AP5Z1: variants seen among roughly 807,000 people sequenced by gnomAD.
AP5Z1 encodes the protein adaptor related protein complex 5 subunit zeta 1.
Under a neutral mutation model 83.0 loss-of-function variants are expected in AP5Z1, and 106 were observed. The observed-to-expected ratio is 1.28, with a 90% CI of 1.09 to 1.50. AP5Z1 has a LOEUF of 1.50. Among genes scored for constraint, AP5Z1 ranks in the 40% most tolerant of loss-of-function variants. The pLI is 0.00. For synonymous variants in AP5Z1, 751 were observed against 514.1 expected, an observed-to-expected ratio of 1.46 and a Z score of -6.23; for missense variants, 1,565 against 1,094.2, an observed-to-expected ratio of 1.43 and a Z score of -6.07.
At chr7:4,782,181 T>A (rs990998262) in intron 3 of AP5Z1, among the ~76,000 whole-genome samples, 5 of 152,106 alleles carry the variant, frequency 3.3e-5, no homozygotes, top group African/African-American at 1.2e-4. Flanking sequence ...GCCTCCTGAG[T>A]AGCTGGGATT....
At chr7:4,777,648 C>G (rs368630125) in intron 1 of AP5Z1, among the ~76,000 whole-genome samples, 1 of 152,242 alleles carries the variant, frequency 6.6e-6, no homozygotes, top group East Asian at 1.9e-4. Flanking sequence ...CTCGGCCCCT[C>G]GAAGTGCCGG....
chr7:4,790,976 G>C, intron 16 of AP5Z1, 89 bp downstream of exon 16: 3 of 1,481,322 alleles, frequency 2.0e-6, no homozygotes, highest in Non-Finnish European at 1.8e-6. Context: ...TTGTGAAATG[G>C]TCGCAGCAGC....
chr7:4,790,771 C>G lies in AP5Z1; in HGVS notation c.2037C>G (p.Phe679Leu), dbSNP rs569992088. The change falls in exon 16 of 17, where the codon TTC (phenylalanine) becomes TTG (leucine). Residue 679 changes from phenylalanine to leucine, a missense_variant. Coordinates refer to ENST00000649063, the MANE Select transcript of AP5Z1 (RefSeq NM_014855.3). ...TCGAAGCCCTGGAGGCTCTGCTATT[C>G]GAGGTCACCCAGTGCCGCCCCTCTG... is the stretch of plus-strand genomic sequence containing the variant. ...KFFEALEALL[F>L]EVTQCRPSAA... The G allele has an allele frequency of 6.2e-6, 10 of 1,608,704 alleles. No homozygotes were observed. In the Admixed American group the frequency reaches 1.5e-4, roughly 24 times the overall value.
rs147945272 is a variant in AP5Z1, at chr7:4,789,183, C to T, written c.1707+232C>T. 3.5e-3 allele frequency: 1,724 copies of T among 487,628 alleles called. 25 individuals are homozygous for T. Among genetic ancestry groups the T allele is most frequent in the African/African-American group, 0.032 (1,574 of 49,966 alleles). The allele number at this position is 487,628 out of a possible 1,614,324, so 30.2% of individuals were successfully genotyped here. The stretch of plus-strand genomic sequence containing the variant: ...CCCGTTCCCCAGTCCCCGTCCCATC[C>T]CCTTCATCCCGGCAGGCCACGTCCC... On this transcript the variant is annotated intron_variant, in intron 13 of 16. Coordinates refer to ENST00000649063, the MANE Select transcript of AP5Z1 (RefSeq NM_014855.3).
Position 4,788,862 on chromosome 7 carries a change from C to A in AP5Z1, c.1618C>A (p.Leu540Met). 6.2e-7 allele frequency: 1 copy of A among 1,608,742 alleles called. No individual in the cohort carries two copies. The highest frequency in any genetic ancestry group is 1.1e-5 in the South Asian group (1 of 90,694). ...TERLAPLHQL[L>M]QPMAGCARVA... ...CAGGTTGGCGCCACTCCACCAGCTG[C>A]TGCAGCCCATGGCCGGCTGTGCCCG... The change falls in exon 13 of 17, where the codon CTG becomes ATG. Residue 540 changes from leucine to methionine, a missense_variant. Physicochemically the swap from Leu to Met is conservative, Grantham distance 15 (BLOSUM62 2). Transcript: ENST00000649063.
chr7:4,792,363 C>G lies in AP5Z1; in HGVS notation c.*978C>G, dbSNP rs1781809064. ...TCCTCTTTTGCTCTGGCCCCGCCCA[C>G]CTCCCCTCCGGCCTCGGCCCCGCCC... On this transcript the variant is annotated 3_prime_UTR_variant, in exon 17 of 17. Coordinates refer to ENST00000649063, the MANE Select transcript of AP5Z1 (RefSeq NM_014855.3). 1 of 149,660 alleles carries G rather than the reference C, an allele frequency of 6.7e-6. No individual in the cohort carries two copies. The highest frequency in any genetic ancestry group is 2.4e-5 in the African/African-American group (1 of 41,058). 9.3% of individuals were successfully genotyped at this position (149,660 alleles called of 1,614,324 possible).
chr7:4,783,221 G>T, intron 3 of AP5Z1, 95 bp from the exon 4 acceptor site: 1 of 1,455,220 alleles, frequency 6.9e-7, no homozygotes, highest in South Asian at 1.4e-5. Flanking sequence ...CTCAGCGACC[G>T]ACGCTTCTCA....
At position 4,790,731 on chromosome 7, in the gene AP5Z1, A is replaced by C. The variant is rs1454206621; in HGVS notation, c.1997A>C (p.Gln666Pro). The change falls in exon 16 of 17, where the codon CAG becomes CCG. Residue 666 changes from glutamine to proline, a missense_variant. By Grantham distance (76) the Gln-to-Pro change is moderately conservative. Coordinates refer to ENST00000649063, the MANE Select transcript of AP5Z1 (RefSeq NM_014855.3). The stretch of plus-strand genomic sequence containing the variant: ...TACGATCGGAGGTGCACCGTGGAGC[A>C]GATCAACAAGTTCTTCGAAGCCCTG... ...VTYDRRCTVE[Q>P]INKFFEALEA... 1.2e-6 allele frequency: 2 copies of C among 1,610,980 alleles called. No individual in the cohort carries two copies. The highest frequency in any genetic ancestry group is 1.1e-5 in the South Asian group (1 of 90,772).
rs879933187 is a variant in AP5Z1 at position 4,779,167 on chromosome 7, CAT to C, written c.42-2002_42-2001del. On this transcript the variant is annotated intron_variant, in intron 1 of 16. Coordinates refer to ENST00000649063, the MANE Select transcript of AP5Z1 (RefSeq NM_014855.3). The stretch of plus-strand genomic sequence containing the variant: ...TATAACATATATAACAACTATATAA[CAT>C]ATATAACATAACATATATAACAACA... 1.0e-3 allele frequency among the ~76,000 whole-genome samples: 148 copies of C among 141,392 alleles called. No individual in the cohort carries two copies. The East Asian group carries it at 0.011, about 10-fold the overall frequency. The allele number at this position is 141,392 out of a possible 152,430, so 92.8% of individuals were successfully genotyped here.
Position 4,787,704 on chromosome 7 carries a change from GCA to G in AP5Z1, c.1385_1386del (p.Thr462SerfsTer69). The G allele has an allele frequency of 6.4e-7, 1 of 1,551,404 alleles. No individual in the cohort carries two copies. On this transcript the variant is annotated frameshift_variant, in exon 11 of 17. Transcript: ENST00000649063. LOFTEE classifies it high-confidence loss of function. The stretch of plus-strand genomic sequence containing the variant: ...CTCCTCCCGGCCCTGGTGGACGCTG[GCA>G]CAGCCCTGGAGATGCTGCACGCGCT...
chr7:4,784,986 G>A lies in AP5Z1; in HGVS notation c.869G>A (p.Arg290Gln), dbSNP rs778734781. The A allele has an allele frequency of 3.7e-6, 6 of 1,612,008 alleles. No individual in the cohort carries two copies. The African/African-American group carries it at 6.7e-5, about 18-fold the overall frequency. ...TCTGCCGGCCGCCTGCTGCCGCCCC[G>A]GGAGCGGCTTCGGGAGGTGGCCTTC... ...TSSAGRLLPPRERLREVAFEY... is the reference protein window; with the variant it reads ...TSSAGRLLPPQERLREVAFEY... Residue 290 changes from arginine (R) to glutamine (Q), a missense_variant, in exon 7 of 17, where the codon CGG becomes CAG. Coordinates refer to ENST00000649063, the MANE Select transcript of AP5Z1 (RefSeq NM_014855.3).
intron 4 of AP5Z1, 99 bp downstream of exon 4, chr7:4,783,559 G>A: frequency 6.8e-7 from 1 of 1,477,080 alleles, no homozygotes; most frequent in Non-Finnish European, 9.2e-7. Flanking sequence ...GCAGGTGGGG[G>A]ACACGGGGAG....
At chr7:4,777,960 T>G (rs1781270603) in intron 1 of AP5Z1, among the ~76,000 whole-genome samples, 1 of 152,264 alleles carries the variant, frequency 6.6e-6, no homozygotes, top group South Asian at 2.1e-4. Context: ...GGCCCACGCC[T>G]GTAATCCGAA....
In AP5Z1 at chr7:4,792,669, C is replaced by T. The variant is rs1781822386; in HGVS notation, c.*1284C>T. ...TGGTGTCCCCCGCGGCCTGCGATGA[C>T]AGCCCAGGGCCGCTGAGCCGGGGCC... is the stretch of plus-strand genomic sequence containing the variant. On this transcript the variant is annotated 3_prime_UTR_variant, in exon 17 of 17. Transcript: ENST00000649063. The T allele has an allele frequency of 6.6e-6, 1 of 152,226 alleles. No homozygotes were observed. The highest frequency in any genetic ancestry group is 1.5e-5 in the Non-Finnish European group (1 of 68,048). 9.4% of individuals were successfully genotyped at this position (152,226 alleles called of 1,614,324 possible).
chr7:4,788,827 ACT>A lies in AP5Z1; in HGVS notation c.1596-12_1596-11del, dbSNP rs779505778. On this transcript the variant is annotated splice_polypyrimidine_tract_variant and intron_variant, in intron 12 of 16. Transcript: ENST00000649063. ...GGGAGCGGGCAGCACTCACGGCCACACTGTGTCCTCAGGTTGGCGCCACTCCA... is the reference window on the plus strand; with the variant it reads ...GGGAGCGGGCAGCACTCACGGCCACAGTGTCCTCAGGTTGGCGCCACTCCA... 12 of 1,594,364 alleles carry A rather than the reference ACT, an allele frequency of 7.5e-6. No homozygotes were observed. Among genetic ancestry groups the A allele is most frequent in the South Asian group, 6.8e-5 (6 of 88,454 alleles).
At chr7:4,789,222 C>T (rs2115123717) in intron 13 of AP5Z1, among the ~76,000 whole-genome samples, 1 of 152,184 alleles carries the variant, frequency 6.6e-6, no homozygotes, top group East Asian at 1.9e-4. Flanking sequence ...ATCCCCGTCC[C>T]ATCCCCTTCA....
In AP5Z1 at chr7:4,785,686, T is replaced by C; in HGVS notation, c.1132+2T>C. The C allele has an allele frequency of 6.5e-7, 1 of 1,527,074 alleles. No homozygotes were observed. Among genetic ancestry groups the C allele is most frequent in the Non-Finnish European group, 8.8e-7 (1 of 1,135,750 alleles). 94.6% of individuals were successfully genotyped at this position (1,527,074 alleles called of 1,614,324 possible). ...TCGCCCACTTCTTCCTGAGCCACGG[T>C]GAGCCCAGGGTGGGGTGGCGCTGAC... On this transcript the variant is annotated splice_donor_variant, in intron 9 of 16. Transcript: ENST00000649063. LOFTEE classifies it high-confidence loss of function.
chr7:4,788,469 C>CG lies in AP5Z1; in HGVS notation c.1595+180dup, dbSNP rs1232150582. On this transcript the variant is annotated intron_variant, in intron 12 of 16. Coordinates refer to ENST00000649063, the MANE Select transcript of AP5Z1 (RefSeq NM_014855.3). Reference sequence around the variant, plus strand: ...CCCTGCTTCTGCACCACGGGTCTGCCGGGGGCGGGGCCTGGTCTCAGCTCT... The same window carrying CG: ...CCCTGCTTCTGCACCACGGGTCTGCCGGGGGGCGGGGCCTGGTCTCAGCTCT... The CG allele has an allele frequency of 3.7e-6, 3 of 819,304 alleles. No homozygotes were observed. The African/African-American group carries it at 5.2e-5, about 14-fold the overall frequency. The allele number at this position is 819,304 out of a possible 1,614,324, so 50.8% of individuals were successfully genotyped here. A position where few individuals can be genotyped will look rare whatever the true frequency, so the allele number is the denominator to read the frequency against.
At chr7:4,788,518 A>T in intron 12 of AP5Z1, 1 of 579,666 alleles carries the variant, frequency 1.7e-6, no homozygotes, top group East Asian at 3.1e-5. Flanking sequence ...ATCAACCCTC[A>T]TAAGCTTGGA....
Sources: allele counts gnomAD v4.1 joint callset (sites outside exome capture counted in the v4.1 genomes callset), GRCh38; gene constraint gnomAD v4.1.1; transcripts MANE v1.5; gene names NCBI Gene and HGNC (gene_info 2026-07-23, HGNC 2026-07-21).